Variants in PTPRD observed in about 807,000 individuals in gnomAD.
PTPRD encodes receptor-type tyrosine-protein phosphatase delta.
Under a neutral mutation model 214.5 loss-of-function variants are expected in PTPRD, and 34 were observed. The observed-to-expected ratio is 0.16, with a 90% CI of 0.12 to 0.21. The LOEUF is 0.21. PTPRD is among the 10% of genes least tolerant of loss of function. PTPRD has a pLI of 1.00. For synonymous variants in PTPRD, 1,128 were observed against 845.7 expected (o/e 1.33, Z -5.79); for missense variants, 2,545 against 2,398.7 (o/e 1.06, Z -1.27).
rs1255069833 is a variant in PTPRD, at chr9:8,314,740, C to T, written c.*3134G>A. ...GCATTACTGCAGACTTTTTTCCCTT[C>T]CTGTTTCTATGTTGTGTTATTTACA... On this transcript the variant is annotated 3_prime_UTR_variant, in exon 46 of 46. Transcript: ENST00000381196. The T allele has an allele frequency of 1.3e-5, 3 of 232,244 alleles. No homozygotes were observed. Among genetic ancestry groups the T allele is most frequent in the Non-Finnish European group, 2.6e-5 (3 of 117,226 alleles). 14.4% of individuals were successfully genotyped at this position (232,244 alleles called of 1,614,324 possible).
At chr9:9,416,772 C>T (rs139361112) in intron 8 of PTPRD, among the ~76,000 whole-genome samples, 7 of 152,244 alleles carry the variant, frequency 4.6e-5, no homozygotes, top group East Asian at 1.9e-4. Flanking sequence ...CTACTTGGCC[C>T]GATGACTTTT....
At chr9:9,312,118 AT>A (rs1959177220) in intron 9 of PTPRD, among the ~76,000 whole-genome samples, 1 of 152,342 alleles carries the variant, frequency 6.6e-6, no homozygotes, top group South Asian at 2.1e-4. Context: ...GATCATAAAC[AT>A]TAAGCTTGAT....
intron 11 of PTPRD, chr9:8,861,858 T>C (rs1018659190): frequency 1.3e-5 from 2 of 152,190 alleles, no homozygotes; most frequent in African/African-American, 4.8e-5. Context: ...TCTAAGACCT[T>C]TTCCTGTAGG....
intron 4 of PTPRD, among the ~76,000 whole-genome samples, chr9:9,991,326 A>G (rs755402695): frequency 9.2e-5 from 14 of 151,758 alleles, no homozygotes; most frequent in Non-Finnish European, 1.9e-4. Context: ...AAAAACAAAC[A>G]TTAAAATTCA....
intron 10 of PTPRD, among the ~76,000 whole-genome samples, chr9:9,075,662 T>C (rs1268016666): frequency 6.6e-6 from 1 of 152,172 alleles, no homozygotes; most frequent in Non-Finnish European, 1.5e-5. Context: ...CATGCGGTGT[T>C]TGCTTTTCTG....
chr9:9,209,902 C>A (rs1040874133), intron 9 of PTPRD, among the ~76,000 whole-genome samples: 2 of 152,116 alleles, frequency 1.3e-5, no homozygotes, highest in Non-Finnish European at 2.9e-5. Context: ...CTCAGCAGAG[C>A]AAGCAGTATG....
intron 6 of PTPRD, among the ~76,000 whole-genome samples, chr9:9,737,470 A>C (rs568927127): frequency 6.6e-6 from 1 of 152,292 alleles, no homozygotes; most frequent in Non-Finnish European, 1.5e-5. Context: ...CTTAAAAGAA[A>C]ACCCTATATA....
chr9:8,459,873 G>A (rs971717903), intron 33 of PTPRD, among the ~76,000 whole-genome samples: 8 of 152,050 alleles, frequency 5.3e-5, no homozygotes, highest in Non-Finnish European at 1.2e-4. Flanking sequence ...ATTGGGAGAC[G>A]ATTCATTCTC....
chr9:8,701,552 A>C (rs2098084583), intron 12 of PTPRD: 1 of 152,450 alleles, frequency 6.6e-6, no homozygotes, highest in Non-Finnish European at 1.5e-5. Flanking sequence ...CAGGAGAATC[A>C]CTGGAACCTG....
chr9:9,326,096 T>C (rs2039751154), intron 9 of PTPRD, among the ~76,000 whole-genome samples: 1 of 151,900 alleles, frequency 6.6e-6, no homozygotes, highest in African/African-American at 2.4e-5. Context: ...TCCATATGTA[T>C]TCTCTTAAGT....
At chr9:9,063,776 T>C (rs1045849427) in intron 10 of PTPRD, among the ~76,000 whole-genome samples, 2 of 152,160 alleles carry the variant, frequency 1.3e-5, no homozygotes, top group Non-Finnish European at 2.9e-5. Flanking sequence ...TCAGATACAC[T>C]GAAAGAAAAG....
intron 3 of PTPRD, among the ~76,000 whole-genome samples, chr9:10,086,492 C>T (rs547031268): frequency 5.8e-4 from 88 of 151,918 alleles, no homozygotes; most frequent in Non-Finnish European, 9.7e-4. Flanking sequence ...ATCTATTTCA[C>T]ATTAGATAGG....
chr9:10,609,885 A>G (rs549812087), intron 2 of PTPRD, among the ~76,000 whole-genome samples: 1 of 152,266 alleles, frequency 6.6e-6, no homozygotes, highest in Non-Finnish European at 1.5e-5. Flanking sequence ...TTATGTTAAT[A>G]TTAAAAGAAA....
chr9:9,701,399 C>G (rs1014102302), intron 7 of PTPRD, among the ~76,000 whole-genome samples: 1 of 152,138 alleles, frequency 6.6e-6, no homozygotes, highest in Non-Finnish European at 1.5e-5. Context: ...AAACTGGAGA[C>G]AGGGGTCCAG....
At chr9:9,030,997 T>C (rs1372815467) in intron 10 of PTPRD, among the ~76,000 whole-genome samples, 1 of 151,942 alleles carries the variant, frequency 6.6e-6, no homozygotes, top group Admixed American at 6.6e-5. Flanking sequence ...GAGTCTGATA[T>C]AATGGTGGGA....
chr9:10,024,779 CCT>C (rs2096889531), intron 4 of PTPRD, among the ~76,000 whole-genome samples: 1 of 104,704 alleles, frequency 9.6e-6, no homozygotes, highest in Non-Finnish European at 1.9e-5. Flanking sequence ...ATCCCTCCCC[CCT>C]CCCCCCACCC....
intron 3 of PTPRD, among the ~76,000 whole-genome samples, chr9:10,162,733 A>G (rs930154550): frequency 2.8e-5 from 4 of 143,972 alleles, no homozygotes; most frequent in East Asian, 2.0e-4. Context: ...ATACATGTAC[A>G]TATATATATA....
chr9:8,802,193 C>T (rs2096585360), intron 11 of PTPRD, among the ~76,000 whole-genome samples: 1 of 152,106 alleles, frequency 6.6e-6, no homozygotes, highest in Non-Finnish European at 1.5e-5. Context: ...GAAAGAAATA[C>T]AGGGATTATC....
intron 11 of PTPRD, among the ~76,000 whole-genome samples, chr9:8,911,960 C>G (rs2098751278): frequency 6.6e-6 from 1 of 152,118 alleles, no homozygotes; most frequent in Non-Finnish European, 1.5e-5. Context: ...TGCGATACAA[C>G]CCTAGTCCCA....
Sources: allele counts gnomAD v4.1 joint callset (sites outside exome capture counted in the v4.1 genomes callset), GRCh38; gene constraint gnomAD v4.1.1; transcripts MANE v1.5; gene names NCBI Gene and HGNC (gene_info 2026-07-23, HGNC 2026-07-21).